Variants in PLEKHA4 observed in about 807,000 individuals in gnomAD.
PLEKHA4 encodes the protein pleckstrin homology domain containing A4.
In PLEKHA4, 73 loss-of-function variants were observed where a neutral mutation model predicts 94.7. The ratio of observed to expected loss-of-function variants is 0.77; its 90% confidence interval spans 0.64 to 0.94. The LOEUF (loss-of-function observed/expected upper bound fraction) is 0.94, where lower values mean the gene tolerates loss of function less well. Ranked by LOEUF, PLEKHA4 falls within the 40% of genes least tolerant of loss-of-function variation. PLEKHA4 has a pLI of 0.00. For missense variants in PLEKHA4, 1,049 were observed against 1,054.1 expected (o/e 1.00, Z 0.07); for synonymous variants, 449 against 437.1 (o/e 1.03, Z -0.34).
In PLEKHA4 at chr19:48,858,868, T is replaced by C. The variant is rs1303158496; in HGVS notation, c.964A>G (p.Arg322Gly). The change falls in exon 8 of 20, where the codon AGA (arginine) becomes GGA (glycine). Residue 322 changes from arginine to glycine, a missense_variant. Physicochemically the swap from Arg to Gly is moderately radical, Grantham distance 125. Transcript: ENST00000263265. ...RSPQHWSQEP[R>G]TQAHSGSPTY... ...CTCACCTCTCTGCTCACCTGTGTTC[T>C]GGGCTCCTGACTCCAGTGCTGGGGA... The C allele has an allele frequency of 4.3e-6, 7 of 1,613,138 alleles. No individual in the cohort carries two copies. Among genetic ancestry groups the C allele is most frequent in the Non-Finnish European group, 5.1e-6 (6 of 1,179,694 alleles).
At chr19:48,849,770 A>C (rs988333749) in intron 13 of PLEKHA4, among the ~76,000 whole-genome samples, 2 of 152,202 alleles carry the variant, frequency 1.3e-5, no homozygotes, top group Non-Finnish European at 2.9e-5. Context: ...TTTAACAGCA[A>C]AAGTCAGGAT....
At chr19:48,860,261 A>C in intron 6 of PLEKHA4, 89 bp downstream of exon 6, 2 of 1,133,518 alleles carry the variant, frequency 1.8e-6, no homozygotes, top group Non-Finnish European at 2.6e-6. Context: ...TTGGACACTC[A>C]AGGGGGCAGG....
At chr19:48,860,981 C>T (rs1415578311) in intron 5 of PLEKHA4, among the ~76,000 whole-genome samples, 4 of 151,958 alleles carry the variant, frequency 2.6e-5, no homozygotes, top group Admixed American at 6.6e-5. Context: ...CTGAGGTAGG[C>T]GGATCACCTG....
chr19:48,853,600 C>T (rs2036285696), intron 12 of PLEKHA4, 82 bp downstream of exon 12: 1 of 1,327,928 alleles, frequency 7.5e-7, no homozygotes, highest in African/African-American at 1.5e-5. Flanking sequence ...TTCCTATGAG[C>T]CCTCTGGGGC....
chr19:48,859,474 GCTCCTCGCC>G lies in PLEKHA4; in HGVS notation c.678_686del (p.Arg226_Arg228del), dbSNP rs1568551184. The stretch of plus-strand genomic sequence containing the variant: ...ACCATGTCCTCCCTACTCACTCGGG[GCTCCTCGCC>G]CTCCGCATCTGGAGTCCAGAGTGGA... On this transcript the variant is annotated inframe_deletion, in exon 7 of 20. Coordinates refer to ENST00000263265, the MANE Select transcript of PLEKHA4 (RefSeq NM_020904.3). 1 of 1,613,588 alleles carries G rather than the reference GCTCCTCGCC, an allele frequency of 6.2e-7. No individual in the cohort carries two copies. The highest frequency in any genetic ancestry group is 1.1e-5 in the South Asian group (1 of 91,078).
chr19:48,853,947 G>C (rs368152243), intron 11 of PLEKHA4, 60 bp downstream of exon 11: 6 of 1,603,864 alleles, frequency 3.7e-6, no homozygotes, highest in Non-Finnish European at 5.1e-6. Flanking sequence ...TCCGCATTCA[G>C]GAAGGGCTCA....
chr19:48,837,244 C>CTCCGG lies in PLEKHA4; in HGVS notation c.*44_*45insCCGGA, dbSNP rs774150931. 2.5e-6 allele frequency: 4 copies of CTCCGG among 1,613,852 alleles called. No individual in the cohort carries two copies. The highest frequency in any genetic ancestry group is 3.4e-6 in the Non-Finnish European group (4 of 1,179,882). On this transcript the variant is annotated 3_prime_UTR_variant, in exon 20 of 20. Transcript: ENST00000263265. This position sits in a 1 kb window ranked among gnomAD's most constrained non-coding sequence, Gnocchi z 4.3. ...GGTCCCAGATCTCCGGCGGTACCTC[C>CTCCGG]AGACCACGTCCTCGCGCTCCGATTG...
intron 2 of PLEKHA4, among the ~76,000 whole-genome samples, chr19:48,866,794 A>T (rs2036850162): frequency 6.6e-6 from 1 of 151,976 alleles, no homozygotes; most frequent in Admixed American, 6.6e-5. Context: ...AATCAGGGGG[A>T]ACTCTCACGC....
At position 48,846,308 on chromosome 19, in the gene PLEKHA4, G is replaced by A. The variant is rs996882552; in HGVS notation, c.1567-692C>T. 2.4e-4 allele frequency among the ~76,000 whole-genome samples: 37 copies of A among 151,684 alleles called. 1 individual carries two copies. Among genetic ancestry groups the A allele is most frequent in the Admixed American group, 1.7e-3 (26 of 15,198 alleles). On this transcript the variant is annotated intron_variant, in intron 14 of 19. Coordinates refer to ENST00000263265, the MANE Select transcript of PLEKHA4 (RefSeq NM_020904.3). ...TAAAAATACAAAAAAAAAATTAGCC[G>A]GGCGTGGTGGCAGGTGCCTGTAGTC...
At position 48,837,503 on chromosome 19, in the gene PLEKHA4, G is replaced by T; in HGVS notation, c.2126C>A (p.Pro709His). The change falls in exon 20 of 20, where the codon CCT becomes CAT. Residue 709 changes from proline (P) to histidine (H), a missense_variant. Transcript: ENST00000263265. The surrounding 1 kb of genome is among the most constrained non-coding windows in gnomAD (Gnocchi z 4.3). ...CTCCTGGCGCGTGGGGTCCGAAGGA[G>T]GCAGCGGCACACCGGGAAGAGGGTC... is the stretch of plus-strand genomic sequence containing the variant. ...QGDPLPGVPL[P>H]PSDPTRQETP... 2.5e-6 allele frequency: 4 copies of T among 1,613,170 alleles called. No individual in the cohort carries two copies. Among genetic ancestry groups the T allele is most frequent in the Non-Finnish European group, 3.4e-6 (4 of 1,179,632 alleles).
intron 16 of PLEKHA4, chr19:48,844,709 GTCAA>G: frequency 1.1e-6 from 1 of 919,176 alleles, no homozygotes; most frequent in Non-Finnish European, 1.3e-6. Flanking sequence ...ACAGCTTAAA[GTCAA>G]CCAATTCCTA....
intron 16 of PLEKHA4, among the ~76,000 whole-genome samples, chr19:48,844,804 C>CTTT (rs149141709): frequency 1.6e-4 from 11 of 70,810 alleles, no homozygotes; most frequent in Non-Finnish European, 2.4e-4. Flanking sequence ...CTCAGGGTGT[C>CTTT]TTTTTTTTTT....
At chr19:48,856,701 G>A (rs79187430) in intron 9 of PLEKHA4, among the ~76,000 whole-genome samples, 19,453 of 151,324 alleles carry the variant, frequency 0.13, 1,641 homozygotes, top group Non-Finnish European at 0.2. Flanking sequence ...CTGGGCGACA[G>A]AGCGAGACTC....
intron 14 of PLEKHA4, among the ~76,000 whole-genome samples, chr19:48,846,983 G>A (rs142944950): frequency 0.017 from 2,629 of 152,234 alleles, 34 homozygotes; most frequent in Middle Eastern, 0.048. Flanking sequence ...CCTGGTTCAA[G>A]CGATTCTCCT....
chr19:48,865,359 A>G, intron 3 of PLEKHA4, 144 bp downstream of exon 3: 1 of 607,492 alleles, frequency 1.6e-6, no homozygotes, highest in East Asian at 2.9e-5. Flanking sequence ...AAATAAATAA[A>G]CAAACAAACA....
At chr19:48,864,612 G>A (rs2036766597) in intron 3 of PLEKHA4, among the ~76,000 whole-genome samples, 1 of 152,070 alleles carries the variant, frequency 6.6e-6, no homozygotes, top group South Asian at 2.1e-4. Context: ...CCAGGCTGGT[G>A]TGCAGTGACA....
At chr19:48,858,136 A>G (rs973508262) in intron 8 of PLEKHA4, among the ~76,000 whole-genome samples, 1 of 152,104 alleles carries the variant, frequency 6.6e-6, no homozygotes, top group African/African-American at 2.4e-5. Flanking sequence ...CCACAAGATG[A>G]TGGAATTTGC....
intron 18 of PLEKHA4, 92 bp downstream of exon 18, chr19:48,839,113 C>A (rs1297384379): frequency 4.8e-6 from 4 of 837,786 alleles, no homozygotes; most frequent in Admixed American, 5.5e-5. Flanking sequence ...TTTGTACTTC[C>A]ATATTCAGGA....
rs1237750778 is a variant in PLEKHA4 at position 48,849,590 on chromosome 19, T to C, written c.1426-1550A>G. Among the ~76,000 whole-genome samples the C allele has an allele frequency of 2.0e-5, 3 of 152,280 alleles. No homozygotes were observed. In the East Asian group the frequency reaches 5.8e-4, roughly 29 times the overall value. On this transcript the variant is annotated intron_variant, in intron 13 of 19. Coordinates refer to ENST00000263265, the MANE Select transcript of PLEKHA4 (RefSeq NM_020904.3). ...TCCCAAAGTGCTGGGACTACAGGCG[T>C]GAGCCAACACGCCCGGCCGTGTCAA...
Sources: gnomAD v4.1 joint callset for allele counts (sites outside exome capture counted in the v4.1 genomes callset) on GRCh38, gnomAD v4.1.1 for gene constraint, Gnocchi (gnomAD v3.1) non-coding constraint, MANE v1.5 for transcripts, NCBI Gene and HGNC (gene_info 2026-07-23, HGNC 2026-07-21) for gene names.